The following CRTC3 variants were observed in gnomAD, a reference collection of about 807,000 sequenced individuals.
CRTC3 encodes the protein CREB-regulated transcription coactivator 3.
A neutral mutation model predicts 74.5 loss-of-function variants in CRTC3; 26 were observed. The ratio of observed to expected loss-of-function variants is 0.35; its 90% confidence interval spans 0.26 to 0.48. CRTC3 has a LOEUF of 0.48. Ranked by LOEUF, CRTC3 falls within the 20% of genes least tolerant of loss-of-function variation. CRTC3 has a pLI of 0.99. For missense variants in CRTC3, 760 were observed against 787.3 expected, an observed-to-expected ratio of 0.97 and a Z score of 0.41; for synonymous variants, 377 against 325.8, an observed-to-expected ratio of 1.16 and a Z score of -1.69.
At position 90,641,952 on chromosome 15, in the gene CRTC3, T is replaced by C; in HGVS notation, c.1672T>C (p.Phe558Leu). Residue 558 changes from phenylalanine (F) to leucine (L), a missense_variant, in exon 15 of 15, where the codon TTC becomes CTC. Physicochemically the swap from Phe to Leu is conservative, Grantham distance 22. This residue lies in a region of CRTC3 where 652 missense variants were observed against 635.2 expected (regional missense o/e 1.03). Coordinates refer to ENST00000268184, the MANE Select transcript of CRTC3 (RefSeq NM_022769.5). ...TTCAGAAGACTCCAGCACCAGCCTG[T>C]TCAAAGACCTCAACAGTGCGCTGGC... ...ILPEDSSTSL[F>L]KDLNSALAGL... The C allele has an allele frequency of 1.9e-6, 3 of 1,613,602 alleles. No individual in the cohort carries two copies. The highest frequency in any genetic ancestry group is 2.5e-6 in the Non-Finnish European group (3 of 1,179,864).
intron 2 of CRTC3, among the ~76,000 whole-genome samples, chr15:90,566,574 A>C (rs1236166619): frequency 6.6e-6 from 1 of 151,466 alleles, no homozygotes; most frequent in African/African-American, 2.4e-5. Context: ...GAGGAAGAAG[A>C]AGCCAACTCC....
At chr15:90,563,145 C>T (rs1397690412) in intron 2 of CRTC3, among the ~76,000 whole-genome samples, 1 of 152,162 alleles carries the variant, frequency 6.6e-6, no homozygotes, top group African/African-American at 2.4e-5. Context: ...ATGGCTCATG[C>T]TTGTGATCCC....
chr15:90,643,121 A>G lies in CRTC3; in HGVS notation c.*981A>G, dbSNP rs1370326318. The G allele has an allele frequency of 4.3e-6, 1 of 232,194 alleles. No homozygotes were observed. Among genetic ancestry groups the G allele is most frequent in the Non-Finnish European group, 8.5e-6 (1 of 117,414 alleles). The allele number at this position is 232,194 out of a possible 1,614,324, so 14.4% of individuals were successfully genotyped here. On this transcript the variant is annotated 3_prime_UTR_variant, in exon 15 of 15. Transcript: ENST00000268184. ...CCGTAAGCTCCTTGAGGGCAGGGAC[A>G]GTGCCTTATCATTGTTGAACCCGTA...
chr15:90,572,799 C>G (rs575619644), intron 2 of CRTC3, among the ~76,000 whole-genome samples: 141 of 152,288 alleles, frequency 9.3e-4, no homozygotes, highest in Non-Finnish European at 1.7e-3. Context: ...TGGTCTTAAA[C>G]TCCTGACCTC....
rs900206130 is a variant in CRTC3 at position 90,543,036 on chromosome 15, C to T, written c.231+2899C>T. On this transcript the variant is annotated intron_variant, in intron 2 of 14. Transcript: ENST00000268184. Reference sequence around the variant, plus strand: ...TGTCCACCAGGCATGGTGGCTCACACCTGTAATCCCAGCATTTTGGGAGGC... The same window carrying T: ...TGTCCACCAGGCATGGTGGCTCACATCTGTAATCCCAGCATTTTGGGAGGC... 5.1e-4 allele frequency among the ~76,000 whole-genome samples: 77 copies of T among 151,534 alleles called. 1 individual carries two copies. Among genetic ancestry groups the T allele is most frequent in the Admixed American group, 5.0e-3 (76 of 15,230 alleles).
At chr15:90,621,695 A>T (rs1968657612) in intron 9 of CRTC3, among the ~76,000 whole-genome samples, 1 of 152,102 alleles carries the variant, frequency 6.6e-6, no homozygotes, top group South Asian at 2.1e-4. Context: ...GTCTCAAGTG[A>T]TCCTCCCAAA....
intron 2 of CRTC3, among the ~76,000 whole-genome samples, chr15:90,545,234 C>T (rs1169695981): frequency 6.6e-6 from 1 of 152,064 alleles, no homozygotes; most frequent in African/African-American, 2.4e-5. Flanking sequence ...CATTTTGTTC[C>T]ATTCATCCGC....
intron 2 of CRTC3, among the ~76,000 whole-genome samples, chr15:90,588,295 A>G (rs764840456): frequency 1.5e-4 from 22 of 151,020 alleles, no homozygotes; most frequent in Non-Finnish European, 2.5e-4. Context: ...GGGACTCTCT[A>G]TTTCATTCAG....
chr15:90,541,304 T>A (rs956920819), intron 2 of CRTC3, among the ~76,000 whole-genome samples: 9 of 152,250 alleles, frequency 5.9e-5, no homozygotes, highest in Admixed American at 6.5e-5. Flanking sequence ...CACTGTCTTA[T>A]TTCTTTGTGG....
At chr15:90,602,799 C>T (rs927102033) in intron 4 of CRTC3, among the ~76,000 whole-genome samples, 2 of 151,766 alleles carry the variant, frequency 1.3e-5, no homozygotes, top group Non-Finnish European at 2.9e-5. Context: ...CATCATGAAA[C>T]CCCGTCTCTA....
chr15:90,626,217 T>C (rs151227840), intron 10 of CRTC3, among the ~76,000 whole-genome samples: 114 of 152,332 alleles, frequency 7.5e-4, no homozygotes, highest in African/African-American at 2.5e-3. Flanking sequence ...TTCCTTATCA[T>C]CCTCACTCGC....
At chr15:90,578,269 GGGCACAGT>G (rs1231206337) in intron 2 of CRTC3, among the ~76,000 whole-genome samples, 1 of 152,118 alleles carries the variant, frequency 6.6e-6, no homozygotes, top group Admixed American at 6.5e-5. Flanking sequence ...AAGATGGGCT[GGGCACAGT>G]GGCTCAGCCC....
intron 2 of CRTC3, among the ~76,000 whole-genome samples, chr15:90,592,354 A>C (rs114211253): frequency 6.6e-6 from 1 of 152,318 alleles, no homozygotes; most frequent in Admixed American, 6.5e-5. Context: ...AATATATACA[A>C]TTTTTCTTTG....
intron 2 of CRTC3, among the ~76,000 whole-genome samples, chr15:90,556,958 C>CTATATATATATATA (rs6145675): frequency 3.8e-5 from 5 of 130,530 alleles, no homozygotes; most frequent in African/African-American, 6.2e-5. Context: ...CACCACATGG[C>CTATATATATATATA]TATATATATA....
Position 90,545,768 on chromosome 15 carries a change from C to CG in CRTC3, c.231+5635dup, listed in dbSNP as rs1329469368. On this transcript the variant is annotated intron_variant, in intron 2 of 14. Transcript: ENST00000268184. ...ATTTTTTTTGTATTTTTAGTAGAGACGGGGTTTCACTGTGTTAGCCAGGAT... is the reference window on the plus strand; with the variant it reads ...ATTTTTTTTGTATTTTTAGTAGAGACGGGGGTTTCACTGTGTTAGCCAGGAT... Among the ~76,000 whole-genome samples the CG allele has an allele frequency of 6.6e-5, 10 of 151,996 alleles. No homozygotes were observed. In the East Asian group the frequency reaches 1.2e-3, roughly 18 times the overall value.
intron 1 of CRTC3, among the ~76,000 whole-genome samples, chr15:90,532,143 C>T (rs3902286): frequency 0.23 from 35,500 of 152,056 alleles, 4,390 homozygotes; most frequent in East Asian, 0.45. Context: ...ATTAATTCTG[C>T]CCGTGTTTTC....
chr15:90,633,063 C>A (rs1969099839), intron 11 of CRTC3, among the ~76,000 whole-genome samples: 1 of 152,130 alleles, frequency 6.6e-6, no homozygotes. Flanking sequence ...AATTTCCTAC[C>A]CACCCTCCTC....
Position 90,561,234 on chromosome 15 carries a change from A to G in CRTC3, c.231+21097A>G, listed in dbSNP as rs981300610. Among the ~76,000 whole-genome samples, 23 of 152,230 alleles carry G rather than the reference A, an allele frequency of 1.5e-4. 1 individual carries two copies. Among genetic ancestry groups the G allele is most frequent in the Middle Eastern group, 3.2e-3 (1 of 316 alleles). On this transcript the variant is annotated intron_variant, in intron 2 of 14. Transcript: ENST00000268184. Reference sequence around the variant, plus strand: ...CAATACATATTGCAAAGTTCCTAGTATAAACTCCCTGTTGCAGCCTTCTAA... The same window carrying G: ...CAATACATATTGCAAAGTTCCTAGTGTAAACTCCCTGTTGCAGCCTTCTAA...
At chr15:90,607,063 G>A (rs77028588) in intron 5 of CRTC3, among the ~76,000 whole-genome samples, 2,342 of 152,252 alleles carry the variant, frequency 0.015, 34 homozygotes, top group Non-Finnish European at 0.026. Context: ...GCCAGCTTCC[G>A]AGCTGGGAAG....
Sources: gnomAD v4.1 joint callset for allele counts (sites outside exome capture counted in the v4.1 genomes callset) on GRCh38, gnomAD v4.1.1 for gene constraint, gnomAD v4.1.1 regional missense constraint, MANE v1.5 for transcripts, NCBI Gene and HGNC (gene_info 2026-07-23, HGNC 2026-07-21) for gene names.